The following SORCS1 variants were observed in gnomAD, a reference collection of about 807,000 sequenced individuals.
SORCS1 encodes VPS10 domain-containing receptor SorCS1.
SORCS1 carries 60 observed loss-of-function variants against 146.1 expected under a neutral mutation model. The ratio of observed to expected loss-of-function variants is 0.41; its 90% CI spans 0.33 to 0.51. SORCS1 has a LOEUF of 0.51. Ranked by LOEUF, SORCS1 falls within the 20% of genes least tolerant of loss-of-function variation. The pLI is 0.21. For missense variants in SORCS1, 1,352 were observed against 1,487.6 expected (o/e 0.91, Z 1.50); for synonymous variants, 637 against 584.0 (o/e 1.09, Z -1.31).
chr10:107,003,426 ATAAGTG>A (rs1450202425), intron 1 of SORCS1, among the ~76,000 whole-genome samples: 2 of 125,498 alleles, frequency 1.6e-5, no homozygotes, highest in African/African-American at 3.6e-5. Flanking sequence ...ATAAATTCCC[ATAAGTG>A]TGTGTGTGTG....
intron 1 of SORCS1, among the ~76,000 whole-genome samples, chr10:107,039,079 C>G (rs1447126961): frequency 6.6e-6 from 1 of 152,088 alleles, no homozygotes; most frequent in East Asian, 1.9e-4. Flanking sequence ...CCTGTAATCC[C>G]AGCACTTTGG....
At chr10:106,741,297 A>C (rs1000901886) in intron 5 of SORCS1, among the ~76,000 whole-genome samples, 2 of 152,196 alleles carry the variant, frequency 1.3e-5, no homozygotes, top group African/African-American at 2.4e-5. Context: ...TGTGTCTTAC[A>C]CACTAAAAAG....
rs145920468 is a variant in SORCS1 at position 107,090,341 on chromosome 10, G to C, written c.558+73628C>G. On this transcript the variant is annotated intron_variant, in intron 1 of 25. Coordinates refer to ENST00000263054, the MANE Select transcript of SORCS1 (RefSeq NM_052918.5). ...ATGGCAGCCTCCAGTTACCATGTAA[G>C]TTGTGGAGAAATCAAATGTTTCCCT... 3.2e-3 allele frequency among the ~76,000 whole-genome samples: 481 copies of C among 152,296 alleles called. 1 individual carries two copies. Among genetic ancestry groups the C allele is most frequent in the African/African-American group, 0.011 (468 of 41,570 alleles).
chr10:106,914,086 A>G (rs1338244209), intron 2 of SORCS1, among the ~76,000 whole-genome samples: 2 of 152,252 alleles, frequency 1.3e-5, no homozygotes. Context: ...CATGCTAATA[A>G]GCACTTAAAA....
chr10:106,779,507 T>C (rs945628487), intron 3 of SORCS1, among the ~76,000 whole-genome samples: 1 of 152,106 alleles, frequency 6.6e-6, no homozygotes, highest in East Asian at 1.9e-4. Context: ...TTGAGGATTT[T>C]ATTCTGGTTT....
intron 2 of SORCS1, among the ~76,000 whole-genome samples, chr10:106,867,765 C>A (rs1950273785): frequency 6.6e-6 from 1 of 152,150 alleles, no homozygotes; most frequent in African/African-American, 2.4e-5. Flanking sequence ...CACTTAAATA[C>A]ACAGACCAGT....
At chr10:107,140,540 T>C (rs1012443461) in intron 1 of SORCS1, among the ~76,000 whole-genome samples, 1 of 152,222 alleles carries the variant, frequency 6.6e-6, no homozygotes, top group Non-Finnish European at 1.5e-5. Context: ...CCTATAATGT[T>C]TTTTAAGTGA....
intron 1 of SORCS1, among the ~76,000 whole-genome samples, chr10:107,053,646 C>A (rs183863621): frequency 6.0e-4 from 91 of 152,248 alleles, no homozygotes; most frequent in Admixed American, 9.2e-4. Context: ...ACTGAGTTCA[C>A]TGAAAACGCT....
intron 1 of SORCS1, among the ~76,000 whole-genome samples, chr10:107,130,596 T>C (rs1418410334): frequency 1.3e-5 from 2 of 152,194 alleles, no homozygotes; most frequent in African/African-American, 2.4e-5. Flanking sequence ...AGACAGGCAA[T>C]GGATGGGAGC....
rs1420954948 is a variant in SORCS1, at chr10:107,113,067, T to C, written c.558+50902A>G. ...GCAACAACTACACGTTCTTCTCAAA[T>C]GCACATGAACTTTCTCCATGATAGA... On this transcript the variant is annotated intron_variant, in intron 1 of 25. Coordinates refer to ENST00000263054, the MANE Select transcript of SORCS1 (RefSeq NM_052918.5). Among the ~76,000 whole-genome samples the C allele has an allele frequency of 2.0e-5, 3 of 152,158 alleles. No homozygotes were observed. In the East Asian group the frequency reaches 5.8e-4, roughly 29 times the overall value.
intron 6 of SORCS1, among the ~76,000 whole-genome samples, chr10:106,726,937 T>A (rs1456991230): frequency 6.6e-6 from 1 of 151,878 alleles, no homozygotes; most frequent in African/African-American, 2.4e-5. Flanking sequence ...ATACAAAAAA[T>A]TAGCCGGGCG....
At chr10:106,843,811 A>T (rs4918263) in intron 2 of SORCS1, among the ~76,000 whole-genome samples, 5,398 of 152,254 alleles carry the variant, frequency 0.035, 115 homozygotes, top group Admixed American at 0.056. Flanking sequence ...GATTTCTCAG[A>T]CACTTAGGTT....
At chr10:106,692,457 T>C (rs1001000072) in intron 9 of SORCS1, among the ~76,000 whole-genome samples, 31 of 152,184 alleles carry the variant, frequency 2.0e-4, no homozygotes, top group African/African-American at 7.2e-4. Context: ...GGGGAGAAGA[T>C]GCGAGGAGGA....
At chr10:107,063,788 T>C (rs183896104) in intron 1 of SORCS1, among the ~76,000 whole-genome samples, 2 of 152,350 alleles carry the variant, frequency 1.3e-5, no homozygotes, top group East Asian at 1.9e-4. Flanking sequence ...AGCTCTCTTA[T>C]ACCAAAGTTA....
intron 1 of SORCS1, among the ~76,000 whole-genome samples, chr10:107,048,816 T>C (rs1399246570): frequency 6.6e-6 from 1 of 152,134 alleles, no homozygotes; most frequent in Non-Finnish European, 1.5e-5. Flanking sequence ...GTGGCTTTTA[T>C]GAAGGAGCTA....
chr10:106,787,759 T>C (rs2136479173), intron 3 of SORCS1, among the ~76,000 whole-genome samples: 1 of 152,356 alleles, frequency 6.6e-6, no homozygotes, highest in Non-Finnish European at 1.5e-5. Flanking sequence ...CAATTGCTTA[T>C]AGGCAAGGAT....
intron 2 of SORCS1, among the ~76,000 whole-genome samples, chr10:106,881,715 A>T (rs759714339): frequency 2.0e-5 from 3 of 152,270 alleles, no homozygotes; most frequent in Non-Finnish European, 2.9e-5. Flanking sequence ...AGAGCTAAGA[A>T]GATTCAAATT....
At chr10:106,598,482 G>A (rs1156438899) in intron 23 of SORCS1, among the ~76,000 whole-genome samples, 2 of 151,758 alleles carry the variant, frequency 1.3e-5, no homozygotes, top group Non-Finnish European at 2.9e-5. Context: ...GGATGGTCTT[G>A]ATCTCTTGAC....
intron 3 of SORCS1, among the ~76,000 whole-genome samples, chr10:106,779,485 T>G (rs1174681882): frequency 6.6e-6 from 1 of 152,054 alleles, no homozygotes; most frequent in African/African-American, 2.4e-5. Context: ...CATCTCTATA[T>G]CCTATTGTGG....
Sources: allele counts gnomAD v4.1 joint callset (sites outside exome capture counted in the v4.1 genomes callset), GRCh38; gene constraint gnomAD v4.1.1; transcripts MANE v1.5; gene names NCBI Gene and HGNC (gene_info 2026-07-23, HGNC 2026-07-21).